The following BCAS3 variants were observed in gnomAD, a reference collection of about 807,000 sequenced individuals.
BCAS3 encodes the protein BCAS4/BCAS3 fusion.
A neutral mutation model predicts 116.1 loss-of-function variants in BCAS3; 53 were observed. The observed-to-expected ratio is 0.46, with a 90% CI of 0.37 to 0.57. BCAS3 has a LOEUF of 0.57. Ranked by LOEUF, BCAS3 falls within the 20% of genes least tolerant of loss-of-function variation. The pLI, the probability that BCAS3 is intolerant of heterozygous loss-of-function variation, is 0.00. For missense variants in BCAS3, 917 were observed against 1,165.4 expected (o/e 0.79, Z 3.10); for synonymous variants, 391 against 408.2 (o/e 0.96, Z 0.51).
intron 10 of BCAS3, among the ~76,000 whole-genome samples, chr17:60,897,364 A>G (rs1439922433): frequency 1.3e-5 from 2 of 152,278 alleles, no homozygotes; most frequent in East Asian, 3.9e-4. Flanking sequence ...TTGATTTTAG[A>G]CAATGACTAT....
intron 7 of BCAS3, among the ~76,000 whole-genome samples, chr17:60,855,969 C>T (rs78360840): frequency 7.2e-5 from 11 of 152,258 alleles, no homozygotes; most frequent in African/African-American, 2.4e-4. Flanking sequence ...AGGTGTGAGC[C>T]GCCGCGCCTG....
intron 7 of BCAS3, among the ~76,000 whole-genome samples, chr17:60,865,619 C>A (rs992723015): frequency 5.9e-5 from 9 of 152,102 alleles, no homozygotes; most frequent in South Asian, 2.1e-4. Context: ...AATTCTGCAA[C>A]CTTGGTAAAG....
At chr17:60,715,929 C>T (rs1394272825) in intron 5 of BCAS3, among the ~76,000 whole-genome samples, 3 of 151,098 alleles carry the variant, frequency 2.0e-5, no homozygotes, top group Admixed American at 6.6e-5. Flanking sequence ...GTGGTGTGAT[C>T]TCGGCTCACT....
In BCAS3 at chr17:60,993,479, A is replaced by G. The variant is rs1265581163; in HGVS notation, c.1486+3244A>G. ...TCAGGCAGCCTATTCCTCCTGATAG[A>G]TAACACGTGTTAAAATTTTATTTCC... On this transcript the variant is annotated intron_variant, in intron 15 of 23. Transcript: ENST00000407086. The surrounding 1 kb of genome is among the most constrained non-coding windows in gnomAD (Gnocchi z 4.2). Among the ~76,000 whole-genome samples, 1 of 152,216 alleles carries G rather than the reference A, an allele frequency of 6.6e-6. No individual in the cohort carries two copies. The highest frequency in any genetic ancestry group is 2.4e-5 in the African/African-American group (1 of 41,466).
At chr17:61,121,289 T>C (rs965508893) in intron 22 of BCAS3, among the ~76,000 whole-genome samples, 1 of 152,312 alleles carries the variant, frequency 6.6e-6, no homozygotes, top group South Asian at 2.1e-4. Context: ...AATCTCATGC[T>C]AATAATATTT....
intron 4 of BCAS3, among the ~76,000 whole-genome samples, chr17:60,696,096 A>G (rs1375353592): frequency 1.3e-5 from 2 of 152,206 alleles, no homozygotes; most frequent in African/African-American, 4.8e-5. Context: ...TGATACAATC[A>G]AAGAGGAAAA....
intron 9 of BCAS3, among the ~76,000 whole-genome samples, chr17:60,887,902 T>G (rs2144990357): frequency 6.6e-6 from 1 of 152,328 alleles, no homozygotes; most frequent in African/African-American, 2.4e-5. Flanking sequence ...TCTAAAAATT[T>G]TTTACCTTCA....
At chr17:61,115,096 G>A (rs1191763671) in intron 22 of BCAS3, among the ~76,000 whole-genome samples, 2 of 147,950 alleles carry the variant, frequency 1.4e-5, no homozygotes, top group Non-Finnish European at 3.0e-5. Flanking sequence ...AATTCAAGAT[G>A]GATTAAAGAC....
intron 7 of BCAS3, chr17:60,851,308 C>T (rs2053130966): frequency 6.5e-6 from 2 of 307,142 alleles, no homozygotes; most frequent in Non-Finnish European, 1.3e-5. Context: ...AGCAGCCAGG[C>T]AGCCCAGCTT....
Position 61,376,793 on chromosome 17 carries a change from T to A in BCAS3, c.2593+8299T>A, listed in dbSNP as rs2059360689. ...AAGCAACTTAGCCAGAACCTAGGGC[T>A]TTTCCTCTGCCTTATCTAATTGGGC... On this transcript the variant is annotated intron_variant, in intron 23 of 23. Coordinates refer to ENST00000407086, the MANE Select transcript of BCAS3 (RefSeq NM_017679.5). This position sits in a 1 kb window ranked among gnomAD's most constrained non-coding sequence, Gnocchi z 4.5. Among the ~76,000 whole-genome samples, 1 of 152,222 alleles carries A rather than the reference T, an allele frequency of 6.6e-6. No homozygotes were observed. Among genetic ancestry groups the A allele is most frequent in the Non-Finnish European group, 1.5e-5 (1 of 68,028 alleles).
rs903139582 is a variant in BCAS3, at chr17:61,229,962, C to T, written c.2426-138365C>T. Among the ~76,000 whole-genome samples, 3 of 152,100 alleles carry T rather than the reference C, an allele frequency of 2.0e-5. No homozygotes were observed. The highest frequency in any genetic ancestry group is 6.6e-5 in the Admixed American group (1 of 15,264). On this transcript the variant is annotated intron_variant, in intron 22 of 23. Coordinates refer to ENST00000407086, the MANE Select transcript of BCAS3 (RefSeq NM_017679.5). This position sits in a 1 kb window ranked among gnomAD's most constrained non-coding sequence, Gnocchi z 4.4. ...CAATATAGCAAAATCTGGTCTCTACCGAAAATACAAAAATTAGCCGGGCGT... is the reference window on the plus strand; with the variant it reads ...CAATATAGCAAAATCTGGTCTCTACTGAAAATACAAAAATTAGCCGGGCGT...
chr17:61,392,219 C>A lies in BCAS3; in HGVS notation c.*94C>A, dbSNP rs2060170939. 1 of 1,404,024 alleles carries A rather than the reference C, an allele frequency of 7.1e-7. No homozygotes were observed. Among genetic ancestry groups the A allele is most frequent in the Non-Finnish European group, 9.7e-7 (1 of 1,034,478 alleles). The allele number at this position is 1,404,024 out of a possible 1,614,324, so 87.0% of individuals were successfully genotyped here. A position where few individuals can be genotyped will look rare whatever the true frequency, so the allele number is the denominator to read the frequency against. ...GTCCTACCCTTCAGTCTCTGCTCTT[C>A]CTTCATCAACCACCTTCCCCAAGCT... On this transcript the variant is annotated 3_prime_UTR_variant, in exon 24 of 24. Coordinates refer to ENST00000407086, the MANE Select transcript of BCAS3 (RefSeq NM_017679.5). This position sits in a 1 kb window ranked among gnomAD's most constrained non-coding sequence, Gnocchi z 6.4.
In BCAS3 at chr17:61,088,407, T is replaced by G. The variant is rs1445769923; in HGVS notation, c.2425+3843T>G. ...ATGAACAACAATGTCGATGAATCAT[T>G]GATAGTATTTCTAGCCAAAGCACTG... On this transcript the variant is annotated intron_variant, in intron 22 of 23. Transcript: ENST00000407086. This position sits in a 1 kb window ranked among gnomAD's most constrained non-coding sequence, Gnocchi z 4.2. Among the ~76,000 whole-genome samples, 2 of 152,340 alleles carry G rather than the reference T, an allele frequency of 1.3e-5. No homozygotes were observed. Among genetic ancestry groups the G allele is most frequent in the Admixed American group, 6.5e-5 (1 of 15,304 alleles).
chr17:60,747,004 T>A (rs1162267048), intron 5 of BCAS3, among the ~76,000 whole-genome samples, 194 bp from the exon 6 acceptor site: 1 of 152,178 alleles, frequency 6.6e-6, no homozygotes, highest in African/African-American at 2.4e-5. Flanking sequence ...GCTCTTACAG[T>A]TTTCTAAAAT....
At chr17:61,359,256 A>G (rs946311637) in intron 22 of BCAS3, among the ~76,000 whole-genome samples, 1 of 152,184 alleles carries the variant, frequency 6.6e-6, no homozygotes, top group Non-Finnish European at 1.5e-5. Context: ...GTAATCCTCT[A>G]ATTTTGAATG....
At chr17:60,678,221 C>T (rs552594809) in intron 1 of BCAS3, among the ~76,000 whole-genome samples, 1 of 151,982 alleles carries the variant, frequency 6.6e-6, no homozygotes, top group Non-Finnish European at 1.5e-5. Flanking sequence ...TTCGAGAAAG[C>T]AAGAATGGGA....
At chr17:61,225,961 C>T (rs1468196037) in intron 22 of BCAS3, among the ~76,000 whole-genome samples, 2 of 152,188 alleles carry the variant, frequency 1.3e-5, no homozygotes, top group Non-Finnish European at 2.9e-5. Flanking sequence ...CTGTTTTCCG[C>T]TACAGAATAC....
chr17:60,827,693 A>C (rs1568335494), intron 7 of BCAS3, among the ~76,000 whole-genome samples: 1 of 152,140 alleles, frequency 6.6e-6, no homozygotes, highest in Non-Finnish European at 1.5e-5. Context: ...GAGCATATCC[A>C]TCACCCACAA....
chr17:61,386,527 C>T lies in BCAS3; in HGVS notation c.2594-5450C>T, dbSNP rs574907492. 3.3e-5 allele frequency among the ~76,000 whole-genome samples: 5 copies of T among 152,218 alleles called. No individual in the cohort carries two copies. The East Asian group carries it at 9.7e-4, about 30-fold the overall frequency. The stretch of plus-strand genomic sequence containing the variant: ...CAATGCTCATGTACAGAGCCGTGGA[C>T]GCTGCTCCTTTTGTGGTGACGGAAG... On this transcript the variant is annotated intron_variant, in intron 23 of 23. Transcript: ENST00000407086.
Sources: allele counts gnomAD v4.1 joint callset (sites outside exome capture counted in the v4.1 genomes callset), GRCh38; gene constraint gnomAD v4.1.1; non-coding constraint Gnocchi (gnomAD v3.1); transcripts MANE v1.5; gene names NCBI Gene and HGNC (gene_info 2026-07-23, HGNC 2026-07-21).